LRRC4C: variants seen among roughly 807,000 people sequenced by gnomAD.
The protein encoded by LRRC4C is leucine-rich repeat-containing protein 4C.
LRRC4C carries 5 observed loss-of-function variants against 33.6 expected under a neutral mutation model. The ratio of observed to expected loss-of-function variants is 0.15; its 90% confidence interval spans 0.08 to 0.31. The LOEUF (loss-of-function observed/expected upper bound fraction) is 0.31. LRRC4C is among the 10% of genes least tolerant of loss of function. The probability of loss-of-function intolerance (pLI) is 1.00; values close to 1 mark genes in which losing one functional copy is unlikely to be tolerated. For missense variants in LRRC4C, 560 were observed against 796.7 expected, an observed-to-expected ratio of 0.70 and a Z score of 3.58; for synonymous variants, 329 against 302.0, an observed-to-expected ratio of 1.09 and a Z score of -0.93.
chr11:41,267,611 C>T (rs1949193015), intron 1 of LRRC4C, among the ~76,000 whole-genome samples: 2 of 152,234 alleles, frequency 1.3e-5, no homozygotes, highest in East Asian at 1.9e-4. Flanking sequence ...GCCAAAAAGT[C>T]TTCTTGAATA....
intron 2 of LRRC4C, among the ~76,000 whole-genome samples, chr11:40,680,760 T>G (rs1057253556): frequency 3.3e-5 from 5 of 152,228 alleles, no homozygotes; most frequent in Non-Finnish European, 5.9e-5. Flanking sequence ...AGGTATGTCT[T>G]TATCAGCGTG....
chr11:41,453,342 A>T (rs1455316465), intron 1 of LRRC4C, among the ~76,000 whole-genome samples: 5 of 152,118 alleles, frequency 3.3e-5, no homozygotes, highest in Admixed American at 3.3e-4. Flanking sequence ...CTGATCATGT[A>T]CTATATTAGG....
chr11:40,877,670 T>C (rs1019472148), intron 2 of LRRC4C, among the ~76,000 whole-genome samples: 4 of 152,170 alleles, frequency 2.6e-5, no homozygotes, highest in Non-Finnish European at 5.9e-5. Context: ...GATTTAGCAA[T>C]GCGGTTAGCC....
At chr11:41,013,697 C>A (rs1023469441) in intron 1 of LRRC4C, among the ~76,000 whole-genome samples, 1 of 152,088 alleles carries the variant, frequency 6.6e-6, no homozygotes, top group African/African-American at 2.4e-5. Flanking sequence ...TCTGGTGTCT[C>A]ATAGATGATG....
At chr11:40,308,748 A>C (rs1329683309) in intron 4 of LRRC4C, among the ~76,000 whole-genome samples, 1 of 152,214 alleles carries the variant, frequency 6.6e-6, no homozygotes, top group African/African-American at 2.4e-5. Context: ...TTGCCACCAC[A>C]TACGAAAGCC....
chr11:40,587,188 C>A (rs937314898), intron 3 of LRRC4C, among the ~76,000 whole-genome samples: 82 of 152,044 alleles, frequency 5.4e-4, no homozygotes, highest in South Asian at 8.3e-4. Flanking sequence ...AGAGGTCCTT[C>A]ACTTCCCTTG....
At chr11:40,380,936 G>A (rs1020090167) in intron 3 of LRRC4C, among the ~76,000 whole-genome samples, 4 of 152,124 alleles carry the variant, frequency 2.6e-5, no homozygotes, top group African/African-American at 9.7e-5. Context: ...TAACAAACTT[G>A]TTGACAGCTA....
intron 1 of LRRC4C, among the ~76,000 whole-genome samples, chr11:40,984,397 AAG>A (rs1423795892): frequency 1.1e-5 from 1 of 87,274 alleles, no homozygotes; most frequent in Non-Finnish European, 3.0e-5. Flanking sequence ...GAAAGAAAGA[AAG>A]AAAGAAAGAA....
intron 1 of LRRC4C, among the ~76,000 whole-genome samples, chr11:41,124,350 C>T (rs886907366): frequency 6.6e-6 from 1 of 152,168 alleles, no homozygotes; most frequent in Non-Finnish European, 1.5e-5. Context: ...AAACTTCTAT[C>T]GTATCCCAAG....
intron 3 of LRRC4C, among the ~76,000 whole-genome samples, chr11:40,596,436 A>C (rs1959306321): frequency 6.6e-6 from 1 of 151,424 alleles, no homozygotes; most frequent in Non-Finnish European, 1.5e-5. Flanking sequence ...AACATTTGTC[A>C]TTTCTTTTTT....
intron 2 of LRRC4C, among the ~76,000 whole-genome samples, chr11:40,867,795 G>T (rs1379877680): frequency 6.6e-6 from 1 of 152,168 alleles, no homozygotes; most frequent in Non-Finnish European, 1.5e-5. Flanking sequence ...AGACTTGAAA[G>T]CCAGTCCTTC....
chr11:41,453,017 C>A (rs1956073610), intron 1 of LRRC4C, among the ~76,000 whole-genome samples: 1 of 151,900 alleles, frequency 6.6e-6, no homozygotes, highest in South Asian at 2.1e-4. Flanking sequence ...TTTTCTTAAT[C>A]TTTTTACAAC....
At chr11:41,396,465 T>C (rs1329471619) in intron 1 of LRRC4C, among the ~76,000 whole-genome samples, 1 of 152,024 alleles carries the variant, frequency 6.6e-6, no homozygotes, top group Non-Finnish European at 1.5e-5. Flanking sequence ...TTTTCTTTTA[T>C]AGTTATTGTC....
chr11:40,440,080 A>G (rs895122658), intron 3 of LRRC4C, among the ~76,000 whole-genome samples: 26 of 152,352 alleles, frequency 1.7e-4, no homozygotes, highest in South Asian at 6.2e-4. Flanking sequence ...AAAATTATTT[A>G]CTGTGTGGAT....
At chr11:41,171,354 C>G (rs1247245961) in intron 1 of LRRC4C, among the ~76,000 whole-genome samples, 1 of 152,112 alleles carries the variant, frequency 6.6e-6, no homozygotes, top group East Asian at 1.9e-4. Context: ...TTGGAACCAA[C>G]CCAAATATCC....
At chr11:40,467,223 A>C (rs950796572) in intron 3 of LRRC4C, among the ~76,000 whole-genome samples, 6 of 152,114 alleles carry the variant, frequency 3.9e-5, no homozygotes, top group Admixed American at 6.6e-5. Context: ...AACTCAGAGG[A>C]AGTTGAAAAT....
At chr11:40,864,539 C>A (rs1359839840) in intron 2 of LRRC4C, among the ~76,000 whole-genome samples, 1 of 152,172 alleles carries the variant, frequency 6.6e-6, no homozygotes, top group African/African-American at 2.4e-5. Flanking sequence ...TCTGGTCTTA[C>A]AGAGAAACGT....
intron 1 of LRRC4C, among the ~76,000 whole-genome samples, chr11:41,273,839 A>G (rs555500397): frequency 1.6e-4 from 25 of 152,314 alleles, no homozygotes; most frequent in Middle Eastern, 3.4e-3. Context: ...AGGTGTGAGA[A>G]TATGTCCAAA....
chr11:40,914,636 A>C (rs905173718), intron 2 of LRRC4C, among the ~76,000 whole-genome samples: 5 of 152,344 alleles, frequency 3.3e-5, no homozygotes, highest in Non-Finnish European at 5.9e-5. Flanking sequence ...GACAACTGGC[A>C]CAAGACAGGG....
Sources: allele counts gnomAD v4.1 joint callset (sites outside exome capture counted in the v4.1 genomes callset), GRCh38; gene constraint gnomAD v4.1.1; transcripts MANE v1.5; gene names NCBI Gene and HGNC (gene_info 2026-07-23, HGNC 2026-07-21).